The following OTULIN variants were observed in gnomAD, a reference collection of about 807,000 sequenced individuals.
OTULIN encodes the protein OTU deubiquitinase with linear linkage specificity, also known as ubiquitin thioesterase otulin.
In OTULIN, 15 loss-of-function variants were observed where a neutral mutation model predicts 39.6. The ratio of observed to expected loss-of-function variants is 0.38; its 90% CI spans 0.25 to 0.58. OTULIN has a LOEUF of 0.58. OTULIN is among the 20% of genes least tolerant of loss of function. OTULIN has a pLI of 0.66. For missense variants in OTULIN, 319 were observed against 445.9 expected (o/e 0.72, Z 2.56); for synonymous variants, 156 against 170.3 (o/e 0.92, Z 0.65).
At chr5:14,711,721 T>C in the OTULIN span, among the ~76,000 whole-genome samples, 1 of 152,210 alleles carries the variant, frequency 6.6e-6, no homozygotes, top group African/African-American at 2.4e-5. Context: ...ACAGCATCCG[T>C]CAGTCACCTC....
chr5:14,691,950 T>C (rs1025995810), intron 6 of OTULIN, among the ~76,000 whole-genome samples: 8 of 152,266 alleles, frequency 5.3e-5, no homozygotes, highest in Non-Finnish European at 7.3e-5. Flanking sequence ...ATAAGTAATA[T>C]CCCATTGTAT....
downstream of OTULIN, among the ~76,000 whole-genome samples, chr5:14,702,338 C>T (rs905932010): frequency 3.3e-5 from 5 of 152,148 alleles, no homozygotes; most frequent in Admixed American, 6.5e-5. Flanking sequence ...TGGATACACC[C>T]AGTGACTGGT....
downstream of OTULIN, among the ~76,000 whole-genome samples, chr5:14,699,894 A>G (rs187703034): frequency 2.0e-5 from 3 of 152,212 alleles, no homozygotes; most frequent in East Asian, 5.8e-4. Flanking sequence ...CTCTGACATT[A>G]AACTCTCCCT....
the OTULIN span, chr5:14,713,800 C>T: frequency 1.5e-6 from 2 of 1,301,002 alleles, no homozygotes; most frequent in South Asian, 2.4e-5. This position sits in a 1 kb window ranked among gnomAD's most constrained non-coding sequence, Gnocchi z 4.4. Flanking sequence ...AGCCGCTGGC[C>T]ACCTCATCTT....
chr5:14,688,765 T>C (rs1251988910), intron 5 of OTULIN, among the ~76,000 whole-genome samples: 1 of 152,164 alleles, frequency 6.6e-6, no homozygotes, highest in Non-Finnish European at 1.5e-5. Context: ...CTTGGGTTAG[T>C]GGAAGGCTGA....
At chr5:14,675,896 A>C (rs912575554) in intron 2 of OTULIN, among the ~76,000 whole-genome samples, 1 of 152,238 alleles carries the variant, frequency 6.6e-6, no homozygotes, top group Non-Finnish European at 1.5e-5. Context: ...TTCCAGGCCA[A>C]ATCTGACTTG....
chr5:14,710,073 C>T, the OTULIN span: 1 of 152,126 alleles, frequency 6.6e-6, no homozygotes, highest in Non-Finnish European at 1.5e-5. Context: ...CAGGGAGGAC[C>T]ACATAGTGAC....
rs1248292941 is a variant in OTULIN, at chr5:14,673,524, T to C, written c.153-118T>C. On this transcript the variant is annotated intron_variant, in intron 1 of 6. Transcript: ENST00000284274. ...CTCATATTTTATTAGATTATCATCA[T>C]GTAAAGTGAAAAAAGTTAAACCCTT... The C allele has an allele frequency of 9.7e-6, 6 of 620,504 alleles. No homozygotes were observed. In the Admixed American group the frequency reaches 1.2e-4, roughly 13 times the overall value. The allele number at this position is 620,504 out of a possible 1,614,324, so 38.4% of individuals were successfully genotyped here.
chr5:14,704,223 G>A (rs887336057), downstream of OTULIN, among the ~76,000 whole-genome samples: 1 of 151,364 alleles, frequency 6.6e-6, no homozygotes, highest in Non-Finnish European at 1.5e-5. Context: ...CCAGCTACTC[G>A]GGAGGCTGAG....
chr5:14,691,103 T>G (rs974173295), intron 6 of OTULIN, among the ~76,000 whole-genome samples: 1 of 152,232 alleles, frequency 6.6e-6, no homozygotes, highest in Non-Finnish European at 1.5e-5. Flanking sequence ...TAAGCCAATA[T>G]AGTTGAGTCA....
the OTULIN span, chr5:14,713,070 C>T: frequency 1.0e-4 from 122 of 1,187,260 alleles, 1 homozygote; most frequent in African/African-American, 8.0e-4. This position sits in a 1 kb window ranked among gnomAD's most constrained non-coding sequence, Gnocchi z 4.4. Context: ...AGCCTCGAGA[C>T]GGCTGAGACC....
At position 14,696,175 on chromosome 5, in the gene OTULIN, G is replaced by C. The variant is rs1014512078; in HGVS notation, c.*3127G>C. The C allele has an allele frequency of 4.7e-4, 72 of 152,160 alleles. No individual in the cohort carries two copies. Among genetic ancestry groups the C allele is most frequent in the African/African-American group, 1.7e-3 (71 of 41,428 alleles). The allele number at this position is 152,160 out of a possible 1,614,324, so 9.4% of individuals were successfully genotyped here. On this transcript the variant is annotated 3_prime_UTR_variant, in exon 7 of 7. Transcript: ENST00000284274. ...TGCTGTTTTACCTAGGAGTTAGTCT[G>C]CTTTCTGAGGATCTTTTAGAGAGAG...
In OTULIN at chr5:14,678,631, T is replaced by C. The variant is rs760034579; in HGVS notation, c.230-50T>C. 3 of 1,315,884 alleles carry C rather than the reference T, an allele frequency of 2.3e-6. No homozygotes were observed. The African/African-American group carries it at 4.6e-5, about 20-fold the overall frequency. The allele number at this position is 1,315,884 out of a possible 1,614,324, so 81.5% of individuals were successfully genotyped here. A position where few individuals can be genotyped will look rare whatever the true frequency, so the allele number is the denominator to read the frequency against. On this transcript the variant is annotated intron_variant, in intron 2 of 6. Coordinates refer to ENST00000284274, the MANE Select transcript of OTULIN (RefSeq NM_138348.6). ...ACCCCCAACTGAAGCAGTATTCTGATTATGCTTTGATTTATTATTTGCTTT... is the reference window on the plus strand; with the variant it reads ...ACCCCCAACTGAAGCAGTATTCTGACTATGCTTTGATTTATTATTTGCTTT...
the OTULIN span, among the ~76,000 whole-genome samples, chr5:14,715,608 C>T: frequency 6.6e-6 from 1 of 152,238 alleles, no homozygotes; most frequent in East Asian, 1.9e-4. Flanking sequence ...TTCCCAGGCC[C>T]TTGTCCTGCT....
the OTULIN span, chr5:14,713,506 CAGA>C: frequency 6.2e-7 from 1 of 1,612,864 alleles, no homozygotes; most frequent in African/African-American, 1.3e-5. The surrounding 1 kb of genome is among the most constrained non-coding windows in gnomAD (Gnocchi z 4.4). Context: ...ATTGAAGTGG[CAGA>C]AGGACCCACA....
At chr5:14,671,444 A>G (rs1159353048) in intron 1 of OTULIN, among the ~76,000 whole-genome samples, 1 of 152,218 alleles carries the variant, frequency 6.6e-6, no homozygotes, top group African/African-American at 2.4e-5. Context: ...TGATACTATG[A>G]AAGTGCTTTG....
the OTULIN span, chr5:14,709,676 A>T: frequency 2.0e-5 from 3 of 152,612 alleles, no homozygotes; most frequent in Admixed American, 2.0e-4. Context: ...ACCCATAATG[A>T]AAAATAGTTC....
At chr5:14,680,144 G>A (rs749708430) in intron 3 of OTULIN, among the ~76,000 whole-genome samples, 3 of 152,192 alleles carry the variant, frequency 2.0e-5, no homozygotes, top group East Asian at 1.9e-4. Flanking sequence ...TACAGCTGCA[G>A]TTGGATTTGC....
intron 2 of OTULIN, among the ~76,000 whole-genome samples, chr5:14,677,182 T>C (rs1736124042): frequency 6.6e-6 from 1 of 152,176 alleles, no homozygotes; most frequent in South Asian, 2.1e-4. Context: ...AGGGCCTCTT[T>C]TGTGCTCCTA....
Sources: allele counts gnomAD v4.1 joint callset (sites outside exome capture counted in the v4.1 genomes callset), GRCh38; gene constraint gnomAD v4.1.1; non-coding constraint Gnocchi (gnomAD v3.1); transcripts MANE v1.5; gene names NCBI Gene and HGNC (gene_info 2026-07-23, HGNC 2026-07-21).